The following MPRIP variants were observed in gnomAD, a reference collection of about 807,000 sequenced individuals.
MPRIP encodes myosin phosphatase Rho-interacting protein.
MPRIP carries 59 observed loss-of-function variants against 234.9 expected under a neutral mutation model. The observed-to-expected ratio is 0.25, with a 90% CI of 0.20 to 0.31. The LOEUF (loss-of-function observed/expected upper bound fraction) is 0.31. Ranked by LOEUF, MPRIP falls within the 10% of genes least tolerant of loss-of-function variation. The probability of loss-of-function intolerance (pLI) is 1.00; values close to 1 mark genes in which losing one functional copy is unlikely to be tolerated. For synonymous variants in MPRIP, 1,144 were observed against 1,263.9 expected (o/e 0.91, Z 2.01); for missense variants, 2,436 against 3,071.0 (o/e 0.79, Z 4.89).
intron 3 of MPRIP, among the ~76,000 whole-genome samples, chr17:17,082,947 G>T (rs191460237): frequency 6.6e-6 from 1 of 152,318 alleles, no homozygotes; most frequent in East Asian, 1.9e-4. Flanking sequence ...CCTCCCTCCT[G>T]ATTGTGGTAG....
intron 3 of MPRIP, among the ~76,000 whole-genome samples, chr17:17,126,271 G>C (rs548680454): frequency 1.3e-5 from 2 of 152,306 alleles, no homozygotes; most frequent in South Asian, 4.2e-4. Flanking sequence ...CCCACAGCCT[G>C]CTCTCAAGGA....
At chr17:17,118,660 C>T (rs2090331493) in intron 3 of MPRIP, among the ~76,000 whole-genome samples, 1 of 152,162 alleles carries the variant, frequency 6.6e-6, no homozygotes, top group African/African-American at 2.4e-5. Context: ...TGGTGGGTAC[C>T]TGCTAGGCCC....
chr17:17,070,843 G>A (rs1247925375), intron 1 of MPRIP, among the ~76,000 whole-genome samples: 1 of 152,142 alleles, frequency 6.6e-6, no homozygotes, highest in Non-Finnish European at 1.5e-5. Flanking sequence ...GTATTCTGTT[G>A]GGTGACTCTG....
rs1369374762 is a variant in MPRIP, at chr17:17,165,891, C to T, written c.4300C>T (p.Arg1434Cys). ...CGAGGCCCAGCTGCGTGAGCAGCTCCGCGCCAGCCTGCTCCAGGTTGGCGC... is the reference window on the plus strand; with the variant it reads ...CGAGGCCCAGCTGCGTGAGCAGCTCTGCGCCAGCCTGCTCCAGGTTGGCGC... ...GTEAQLREQL[R>C]ASLLQVGALA... The change falls in exon 16 of 24, where the codon CGC (arginine) becomes TGC (cysteine). Residue 1434 changes from arginine (R) to cysteine (C), a missense_variant. Transcript: ENST00000651222. 24 of 1,303,768 alleles carry T rather than the reference C, an allele frequency of 1.8e-5. No homozygotes were observed. The highest frequency in any genetic ancestry group is 6.9e-5 in the Admixed American group (3 of 43,520). The allele number at this position is 1,303,768 out of a possible 1,614,324, so 80.8% of individuals were successfully genotyped here.
chr17:17,138,147 A>C lies in MPRIP; in HGVS notation c.968A>C (p.His323Pro), dbSNP rs2090743616. The C allele has an allele frequency of 2.2e-6, 3 of 1,345,614 alleles. No homozygotes were observed. Among genetic ancestry groups the C allele is most frequent in the Non-Finnish European group, 3.0e-6 (3 of 987,790 alleles). The allele number at this position is 1,345,614 out of a possible 1,614,324, so 83.4% of individuals were successfully genotyped here. The change falls in exon 7 of 24, where the codon CAC becomes CCC. Residue 323 changes from histidine (H) to proline (P), a missense_variant. By Grantham distance (77) the His-to-Pro change is moderately conservative. This residue lies in a region of MPRIP where 267 missense variants were observed against 252.7 expected (regional missense o/e 1.06). Transcript: ENST00000651222. The surrounding 1 kb of genome is among the most constrained non-coding windows in gnomAD (Gnocchi z 5.8). ...PLPSPGPRLP[H>P]QMVCSISLSS... ...CCTTCCCCAGGTCCTCGACTCCCCC[A>C]CCAAATGGTCTGCAGCATCTCCCTC...
intron 1 of MPRIP, among the ~76,000 whole-genome samples, chr17:17,074,295 G>A (rs923787198): frequency 1.2e-4 from 18 of 152,176 alleles, no homozygotes; most frequent in African/African-American, 3.9e-4. Context: ...ATGCATTCTC[G>A]CCAGCTGGGT....
chr17:17,126,488 A>G (rs2090492638), intron 3 of MPRIP, among the ~76,000 whole-genome samples: 1 of 152,086 alleles, frequency 6.6e-6, no homozygotes, highest in Admixed American at 6.5e-5. Context: ...CTCTCCACGT[A>G]GGAGGGATGT....
intron 7 of MPRIP, among the ~76,000 whole-genome samples, chr17:17,139,044 T>C (rs2090761000): frequency 2.0e-5 from 3 of 152,200 alleles, no homozygotes; most frequent in African/African-American, 7.2e-5. Flanking sequence ...CCTCTAAGAC[T>C]TTGACTGGCT....
rs2088210790 is a variant in MPRIP, at chr17:17,042,749, A to G, written c.-100A>G. ...GGCCGGGCCTGCGGCGGGGCCGGCG[A>G]GGGATGCGGCGCGGCCGCGCTGAGC... On this transcript the variant is annotated 5_prime_UTR_variant, in exon 1 of 24. Transcript: ENST00000651222. 2 of 826,270 alleles carry G rather than the reference A, an allele frequency of 2.4e-6. No individual in the cohort carries two copies. Among genetic ancestry groups the G allele is most frequent in the South Asian group, 1.2e-4 (2 of 16,664 alleles). 51.2% of individuals were successfully genotyped at this position (826,270 alleles called of 1,614,324 possible). A position where few individuals can be genotyped will look rare whatever the true frequency, so the allele number is the denominator to read the frequency against.
intron 3 of MPRIP, among the ~76,000 whole-genome samples, chr17:17,086,840 C>G (rs1277402267): frequency 6.6e-6 from 1 of 152,168 alleles, no homozygotes; most frequent in East Asian, 1.9e-4. Flanking sequence ...TTCTCTGTAC[C>G]TCCGTGGGAG....
At chr17:17,117,733 A>T (rs185578536) in intron 3 of MPRIP, among the ~76,000 whole-genome samples, 1 of 152,298 alleles carries the variant, frequency 6.6e-6, no homozygotes. Flanking sequence ...CCAGTAATCA[A>T]CTTGTTGGGT....
chr17:17,174,127 G>C (rs1267383347), intron 19 of MPRIP, 52 bp downstream of exon 19: 1 of 1,595,292 alleles, frequency 6.3e-7, no homozygotes, highest in Non-Finnish European at 8.6e-7. Context: ...CTCAAGGTCA[G>C]GTAGACCCAT....
chr17:17,086,792 G>A (rs2089600813), intron 3 of MPRIP, among the ~76,000 whole-genome samples: 1 of 152,202 alleles, frequency 6.6e-6, no homozygotes, highest in Non-Finnish European at 1.5e-5. Flanking sequence ...ACTCATGAAA[G>A]TTCACCCATT....
intron 6 of MPRIP, among the ~76,000 whole-genome samples, chr17:17,137,512 C>CAAAA (rs35313745): frequency 7.9e-6 from 1 of 126,536 alleles, no homozygotes; most frequent in Non-Finnish European, 1.6e-5. Context: ...GATTGCATCT[C>CAAAA]AAAAAAAAAA....
At chr17:17,108,850 G>T (rs973318582) in intron 3 of MPRIP, among the ~76,000 whole-genome samples, 2 of 152,206 alleles carry the variant, frequency 1.3e-5, no homozygotes, top group Admixed American at 1.3e-4. Context: ...GCATGGCAGC[G>T]CCCTCTCCCT....
intron 13 of MPRIP, 94 bp from the exon 14 acceptor site, chr17:17,158,336 CAG>C (rs1352274709): frequency 9.6e-7 from 1 of 1,044,056 alleles, no homozygotes; most frequent in African/African-American, 1.6e-5. Flanking sequence ...GTGGTGCTCA[CAG>C]GGGCTGGGTT....
intron 1 of MPRIP, among the ~76,000 whole-genome samples, chr17:17,068,391 C>G (rs1377775893): frequency 1.3e-5 from 2 of 151,786 alleles, no homozygotes; most frequent in Admixed American, 6.6e-5. Flanking sequence ...CTCAGGTGAT[C>G]TGCCCACCTC....
chr17:17,046,341 T>A, intron 1 of MPRIP, among the ~76,000 whole-genome samples: 1 of 152,204 alleles, frequency 6.6e-6, no homozygotes, highest in East Asian at 1.9e-4. Context: ...AGTGAATGTT[T>A]CGGCAAAGAG....
chr17:17,087,714 C>A (rs974994309), intron 3 of MPRIP, among the ~76,000 whole-genome samples: 1 of 152,236 alleles, frequency 6.6e-6, no homozygotes, highest in African/African-American at 2.4e-5. Flanking sequence ...TGGTGTCTGC[C>A]TGCGTAGACA....
Sources: allele counts gnomAD v4.1 joint callset (sites outside exome capture counted in the v4.1 genomes callset), GRCh38; gene constraint gnomAD v4.1.1; regional missense constraint gnomAD v4.1.1; non-coding constraint Gnocchi (gnomAD v3.1); transcripts MANE v1.5; gene names NCBI Gene and HGNC (gene_info 2026-07-23, HGNC 2026-07-21).